The following FLT1 variants were observed in gnomAD, a reference collection of about 807,000 sequenced individuals.
FLT1 encodes vascular endothelial growth factor receptor 1.
A neutral mutation model predicts 156.3 loss-of-function variants in FLT1; 49 were observed. The observed-to-expected ratio is 0.31, with a 90% CI of 0.25 to 0.40. The LOEUF (loss-of-function observed/expected upper bound fraction) is 0.40. Ranked by LOEUF, FLT1 falls within the 10% of genes least tolerant of loss-of-function variation. FLT1 has a pLI of 1.00. For synonymous variants in FLT1, 594 were observed against 583.8 expected (o/e 1.02, Z -0.25); for missense variants, 1,322 against 1,637.2 (o/e 0.81, Z 3.32).
intron 29 of FLT1, 126 bp from the exon 30 acceptor site, chr13:28,303,494 C>A (rs886853958): frequency 1.2e-5 from 9 of 754,420 alleles, no homozygotes; most frequent in African/African-American, 5.1e-5. Flanking sequence ...GTTTTGGAAC[C>A]CCCCCCCCCT....
intron 3 of FLT1, among the ~76,000 whole-genome samples, chr13:28,461,513 G>C (rs986178024): frequency 1.3e-5 from 2 of 152,100 alleles, no homozygotes; most frequent in African/African-American, 4.8e-5. Flanking sequence ...TTAAGTAAAA[G>C]CTCTTAAGGA....
intron 14 of FLT1, among the ~76,000 whole-genome samples, chr13:28,369,175 A>G (rs1270241114): frequency 3.3e-5 from 5 of 152,234 alleles, no homozygotes; most frequent in Non-Finnish European, 5.9e-5. Flanking sequence ...ATTTTTGGAA[A>G]ACTATGTCTG....
rs753755092 is a variant in FLT1 at position 28,345,543 on chromosome 13, C to T, written c.2257G>A (p.Asp753Asn). 3 of 1,605,018 alleles carry T rather than the reference C, an allele frequency of 1.9e-6. No homozygotes were observed. In the South Asian group the frequency reaches 3.3e-5, roughly 18 times the overall value. Reference sequence around the variant, plus strand: ...GTGATCAGCTCCAGATTAGACTTGTCCGAGGTTCCTGGAGAGAAAAAAAAT... The same window carrying T: ...GTGATCAGCTCCAGATTAGACTTGTTCGAGGTTCCTGGAGAGAAAAAAAAT... ...SAYLTVQGTS[D>N]KSNLELITLT... The change falls in exon 16 of 30, where the codon GAC (aspartate) becomes AAC (asparagine). Residue 753 changes from aspartate (D) to asparagine (N), a missense_variant. This residue lies in a region of FLT1 where 991 missense variants were observed against 1,254.8 expected (regional missense o/e 0.79). Transcript: ENST00000282397.
chr13:28,382,999 G>T (rs1689555343), intron 14 of FLT1, among the ~76,000 whole-genome samples: 1 of 152,096 alleles, frequency 6.6e-6, no homozygotes, highest in Non-Finnish European at 1.5e-5. Context: ...ACTCCATATT[G>T]CTGTTTATTT....
chr13:28,483,298 T>A (rs928494356), intron 1 of FLT1, among the ~76,000 whole-genome samples: 5 of 152,226 alleles, frequency 3.3e-5, no homozygotes, highest in African/African-American at 7.2e-5. Context: ...TGCCTCCCCA[T>A]CTGTTTACAT....
At chr13:28,304,600 A>G (rs1366967039) in intron 29 of FLT1, among the ~76,000 whole-genome samples, 1 of 152,024 alleles carries the variant, frequency 6.6e-6, no homozygotes, top group Non-Finnish European at 1.5e-5. Flanking sequence ...GGTTTTTTGT[A>G]TAGACACAAA....
intron 10 of FLT1, among the ~76,000 whole-genome samples, chr13:28,419,681 C>A (rs1192449565): frequency 6.6e-6 from 1 of 152,194 alleles, no homozygotes; most frequent in Non-Finnish European, 1.5e-5. Context: ...GGATCGAGAC[C>A]ATTCTCGCTA....
chr13:28,388,854 C>G, intron 13 of FLT1: 3 of 1,062,600 alleles, frequency 2.8e-6, no homozygotes, highest in Non-Finnish European at 3.4e-6. Flanking sequence ...AAATAATAAC[C>G]AGAGGACAGG....
chr13:28,412,344 TTCTTTC>T (rs1330260672), intron 10 of FLT1, among the ~76,000 whole-genome samples: 1 of 73,500 alleles, frequency 1.4e-5, no homozygotes, highest in Admixed American at 1.9e-4. Context: ...CTTTCTTTCT[TTCTTTC>T]TCTTTCTTTC....
chr13:28,431,483 G>A (rs1160650691), intron 6 of FLT1, among the ~76,000 whole-genome samples, 173 bp from the exon 7 acceptor site: 1 of 152,170 alleles, frequency 6.6e-6, no homozygotes, highest in Non-Finnish European at 1.5e-5. Context: ...GTGTCTAGAG[G>A]TGCTTCAAAT....
intron 7 of FLT1, among the ~76,000 whole-genome samples, chr13:28,430,389 T>G (rs150929488): frequency 6.6e-6 from 1 of 152,266 alleles, no homozygotes; most frequent in Non-Finnish European, 1.5e-5. Flanking sequence ...CCTAGCCACA[T>G]AAAACAGTGG....
chr13:28,320,363 A>G (rs1164320883), intron 23 of FLT1, among the ~76,000 whole-genome samples: 2 of 152,124 alleles, frequency 1.3e-5, no homozygotes, highest in Admixed American at 6.6e-5. Flanking sequence ...TTTTCCTTCT[A>G]TACAACAGAT....
At chr13:28,456,809 G>A (rs1017230718) in intron 3 of FLT1, among the ~76,000 whole-genome samples, 5 of 150,028 alleles carry the variant, frequency 3.3e-5, no homozygotes, top group Non-Finnish European at 7.4e-5. Flanking sequence ...AAAAAAAAAA[G>A]AAAGAAAAAT....
chr13:28,357,925 A>G (rs1872963427), intron 14 of FLT1, among the ~76,000 whole-genome samples: 1 of 132,822 alleles, frequency 7.5e-6, no homozygotes, highest in East Asian at 2.3e-4. Context: ...ACCACCCAGC[A>G]GAGCTGTGAT....
intron 19 of FLT1, among the ~76,000 whole-genome samples, chr13:28,328,890 AGGCGG>A (rs1226257222): frequency 2.0e-5 from 3 of 152,230 alleles, no homozygotes; most frequent in African/African-American, 7.2e-5. Flanking sequence ...ATGGAGAAGC[AGGCGG>A]GGCCGTGTCG....
rs1054607989 is a variant in FLT1 at position 28,330,166 on chromosome 13, C to A, written c.2594-438G>T. Among the ~76,000 whole-genome samples the A allele has an allele frequency of 2.7e-4, 41 of 152,384 alleles. 1 individual carries two copies. The highest frequency in any genetic ancestry group is 9.1e-4 in the African/African-American group (38 of 41,592). On this transcript the variant is annotated intron_variant, in intron 18 of 29. Transcript: ENST00000282397. The stretch of plus-strand genomic sequence containing the variant: ...AAGGAGCACAAGGGGCCTGCCAGGG[C>A]AGAATGGCTACTGTTGTAAACATCT...
chr13:28,343,437 T>G lies in FLT1; in HGVS notation c.2355+2008A>C, dbSNP rs185754413. On this transcript the variant is annotated intron_variant, in intron 16 of 29. Coordinates refer to ENST00000282397, the MANE Select transcript of FLT1 (RefSeq NM_002019.4). ...GCCTCAGTCTCCCCAGTAGCTGAGA[T>G]TACAGGCGCCTGCCACCATGCCCAG... Among the ~76,000 whole-genome samples, 492 of 150,004 alleles carry G rather than the reference T, an allele frequency of 3.3e-3. 3 individuals are homozygous for G. Among genetic ancestry groups the G allele is most frequent in the Non-Finnish European group, 5.4e-3 (363 of 67,510 alleles).
intron 1 of FLT1, among the ~76,000 whole-genome samples, chr13:28,476,206 T>A (rs971410415): frequency 1.3e-5 from 2 of 152,038 alleles, no homozygotes; most frequent in African/African-American, 4.8e-5. Context: ...GTTTGAGTGG[T>A]GGTGGGGAGG....
At chr13:28,329,808 G>A in intron 18 of FLT1, 80 bp from the exon 19 acceptor site, 1 of 1,117,406 alleles carries the variant, frequency 8.9e-7, no homozygotes, top group Non-Finnish European at 1.3e-6. Context: ...TGCCCTCCTT[G>A]TTTGTCAATG....
Sources: gnomAD v4.1 joint callset for allele counts (sites outside exome capture counted in the v4.1 genomes callset) on GRCh38, gnomAD v4.1.1 for gene constraint, gnomAD v4.1.1 regional missense constraint, MANE v1.5 for transcripts, NCBI Gene and HGNC (gene_info 2026-07-23, HGNC 2026-07-21) for gene names.